The following OLFM3 variants were observed in gnomAD, a reference collection of about 807,000 sequenced individuals.
OLFM3 encodes the protein noelin-3.
OLFM3 carries 20 observed loss-of-function variants against 48.6 expected under a neutral mutation model. That is an observed-to-expected ratio of 0.41 (90% CI 0.29 to 0.60). The LOEUF is 0.60. OLFM3 is among the 20% of genes least tolerant of loss of function. The probability of loss-of-function intolerance (pLI) is 0.28; values close to 1 mark genes in which losing one functional copy is unlikely to be tolerated. For missense variants in OLFM3, 437 were observed against 544.3 expected, an observed-to-expected ratio of 0.80 and a Z score of 1.96; for synonymous variants, 222 against 198.1, an observed-to-expected ratio of 1.12 and a Z score of -1.01.
At chr1:101,823,730 C>A (rs1032774994) in intron 4 of OLFM3, among the ~76,000 whole-genome samples, 2 of 151,948 alleles carry the variant, frequency 1.3e-5, no homozygotes, top group Non-Finnish European at 2.9e-5. Context: ...GTCACAGAAT[C>A]TATTATATAT....
intron 1 of OLFM3, among the ~76,000 whole-genome samples, chr1:101,968,406 C>T (rs909322367): frequency 6.6e-6 from 1 of 151,898 alleles, no homozygotes; most frequent in Non-Finnish European, 1.5e-5. Context: ...CCAATTAACC[C>T]ACAGAATCAT....
chr1:101,971,135 C>A (rs1660793210), intron 1 of OLFM3, among the ~76,000 whole-genome samples: 1 of 152,100 alleles, frequency 6.6e-6, no homozygotes, highest in African/African-American at 2.4e-5. Context: ...GTGCTGATGG[C>A]CAGGTATTAT....
chr1:101,962,865 A>G (rs545447046), intron 1 of OLFM3, among the ~76,000 whole-genome samples: 1 of 152,266 alleles, frequency 6.6e-6, no homozygotes, highest in African/African-American at 2.4e-5. Context: ...GTGTATAGAG[A>G]GGAGCAGACG....
chr1:101,956,086 GT>G (rs71592232), intron 1 of OLFM3, among the ~76,000 whole-genome samples: 1,755 of 105,068 alleles, frequency 0.017, 24 homozygotes, highest in African/African-American at 0.025. Flanking sequence ...ACAATAACAG[GT>G]TTTTTTTTTT....
chr1:101,943,553 C>T (rs1015393152), intron 1 of OLFM3, among the ~76,000 whole-genome samples: 4 of 152,288 alleles, frequency 2.6e-5, no homozygotes, highest in Non-Finnish European at 2.9e-5. Flanking sequence ...AGGAGTTACC[C>T]TGAATTAGAG....
At chr1:101,948,614 T>A (rs6577291) in intron 1 of OLFM3, among the ~76,000 whole-genome samples, 1 of 151,722 alleles carries the variant, frequency 6.6e-6, no homozygotes, top group Non-Finnish European at 1.5e-5. Flanking sequence ...ATTTCACTTT[T>A]GTTTTCTAAA....
intron 1 of OLFM3, among the ~76,000 whole-genome samples, chr1:101,922,578 C>A (rs570538039): frequency 6.6e-6 from 1 of 152,274 alleles, no homozygotes; most frequent in East Asian, 1.9e-4. Flanking sequence ...CTCCTCATTT[C>A]TTCATCCTTC....
intron 1 of OLFM3, among the ~76,000 whole-genome samples, chr1:101,839,594 A>G (rs1336538335): frequency 2.0e-5 from 3 of 152,212 alleles, no homozygotes; most frequent in Non-Finnish European, 4.4e-5. Context: ...CAATTATAAT[A>G]TTAAAATATT....
At chr1:101,927,779 T>C (rs1659317217) in intron 1 of OLFM3, among the ~76,000 whole-genome samples, 2 of 149,408 alleles carry the variant, frequency 1.3e-5, no homozygotes, top group East Asian at 3.9e-4. Context: ...CTAAAAATAT[T>C]ATAAATATTT....
intron 1 of OLFM3, among the ~76,000 whole-genome samples, chr1:101,901,118 A>C (rs1223359011): frequency 3.3e-5 from 5 of 152,004 alleles, no homozygotes; most frequent in Non-Finnish European, 5.9e-5. Flanking sequence ...CTCACTTAAC[A>C]AACTGGTTAA....
At chr1:101,870,778 A>T (rs1219896946) in intron 1 of OLFM3, among the ~76,000 whole-genome samples, 1 of 151,832 alleles carries the variant, frequency 6.6e-6, no homozygotes, top group African/African-American at 2.4e-5. Context: ...ATACCTAGAG[A>T]GCTTTTTTAA....
At chr1:101,856,710 C>A (rs1306515149) in intron 1 of OLFM3, among the ~76,000 whole-genome samples, 1 of 151,866 alleles carries the variant, frequency 6.6e-6, no homozygotes, top group Non-Finnish European at 1.5e-5. Context: ...CCTTTAAAGG[C>A]ACTGGTCTAT....
At chr1:101,996,602 T>C in intron 1 of OLFM3, 146 bp downstream of exon 1, 2 of 772,892 alleles carry the variant, frequency 2.6e-6, no homozygotes, top group East Asian at 5.4e-5. Flanking sequence ...CTTGTTATGT[T>C]CCAAGCAGTG....
At chr1:101,861,301 ATTTGGCCGCCCCGGCC>A (rs771447859) in intron 1 of OLFM3, among the ~76,000 whole-genome samples, 6 of 151,184 alleles carry the variant, frequency 4.0e-5, no homozygotes, top group African/African-American at 1.5e-4. Flanking sequence ...ACCTCAAGTG[ATTTGGCCGCCCCGGCC>A]TCCCAAAGTG....
At chr1:101,948,164 C>A (rs1376244100) in intron 1 of OLFM3, among the ~76,000 whole-genome samples, 1 of 151,938 alleles carries the variant, frequency 6.6e-6, no homozygotes, top group Non-Finnish European at 1.5e-5. Context: ...ACTGATAAAA[C>A]AAAAACTAAG....
chr1:101,976,885 T>G (rs1261584783), intron 1 of OLFM3, among the ~76,000 whole-genome samples: 1 of 152,178 alleles, frequency 6.6e-6, no homozygotes, highest in Non-Finnish European at 1.5e-5. Flanking sequence ...CATTAATAGA[T>G]GTACTTGGTT....
chr1:101,865,752 CCCACACCGGCTCAGAGTTGGCAA>C, intron 1 of OLFM3, among the ~76,000 whole-genome samples: 1 of 152,248 alleles, frequency 6.6e-6, no homozygotes, highest in South Asian at 2.1e-4. Flanking sequence ...TCTGGTAATG[CCCACACCGGCTCAGAGTTGGCAA>C]ATTCAAGGAC....
chr1:101,872,453 G>A (rs2100978056), intron 1 of OLFM3, among the ~76,000 whole-genome samples: 1 of 152,078 alleles, frequency 6.6e-6, no homozygotes, highest in East Asian at 1.9e-4. Context: ...GAGATGAGTG[G>A]AAGCTTTAAT....
intron 1 of OLFM3, among the ~76,000 whole-genome samples, chr1:101,941,890 A>G (rs537444785): frequency 3.0e-4 from 45 of 152,312 alleles, no homozygotes; most frequent in Non-Finnish European, 5.4e-4. Context: ...AAAAGATACC[A>G]GTAAAACTAA....
Sources: gnomAD v4.1 joint callset for allele counts (sites outside exome capture counted in the v4.1 genomes callset) on GRCh38, gnomAD v4.1.1 for gene constraint, MANE v1.5 for transcripts, NCBI Gene and HGNC (gene_info 2026-07-23, HGNC 2026-07-21) for gene names.